The following CASTOR2 variants were observed in gnomAD, a reference collection of about 807,000 sequenced individuals.
CASTOR2 encodes the protein GATS protein like 2.
In CASTOR2, 8 loss-of-function variants were observed where a neutral mutation model predicts 31.2. The observed-to-expected ratio is 0.26, with a 90% CI of 0.15 to 0.46. CASTOR2 has a LOEUF of 0.46. Among genes scored for constraint, CASTOR2 ranks in the 20% least tolerant of loss-of-function variants. The pLI is 0.99. For synonymous variants in CASTOR2, 162 were observed against 158.7 expected (o/e 1.02, Z -0.16); for missense variants, 216 against 382.1 (o/e 0.57, Z 3.62).
chr7:75,002,879 G>A (rs1804527833), intron 1 of CASTOR2, among the ~76,000 whole-genome samples: 1 of 151,968 alleles, frequency 6.6e-6, no homozygotes, highest in Non-Finnish European at 1.5e-5. Flanking sequence ...CTTGAGGCCA[G>A]GAGTTCAAGA....
intron 6 of CASTOR2, 32 bp downstream of exon 6, chr7:75,020,181 C>G: frequency 3.2e-6 from 5 of 1,543,550 alleles, no homozygotes; most frequent in Middle Eastern, 1.7e-4. Flanking sequence ...ACGTTCAACC[C>G]AGGGTGGGCC....
chr7:74,993,398 G>A (rs1246552252), intron 1 of CASTOR2, among the ~76,000 whole-genome samples: 1 of 150,530 alleles, frequency 6.6e-6, no homozygotes, highest in Non-Finnish European at 1.5e-5. Context: ...GGGCTTCTCC[G>A]TGCCCCACCT....
intron 2 of CASTOR2, among the ~76,000 whole-genome samples, chr7:75,015,453 A>G (rs1187366172): frequency 6.6e-6 from 1 of 151,306 alleles, no homozygotes; most frequent in African/African-American, 2.4e-5. Context: ...TTTTATTTTT[A>G]TTTTTTTAGA....
intron 1 of CASTOR2, among the ~76,000 whole-genome samples, chr7:74,971,049 A>G (rs1420745111): frequency 6.6e-6 from 1 of 150,946 alleles, no homozygotes; most frequent in Non-Finnish European, 1.5e-5. Context: ...AGGCTGGAGT[A>G]TAGTGGTGCA....
At chr7:75,001,965 T>C (rs1238532668) in intron 1 of CASTOR2, among the ~76,000 whole-genome samples, 1 of 152,182 alleles carries the variant, frequency 6.6e-6, no homozygotes, top group African/African-American at 2.4e-5. Context: ...CACAGTGGCC[T>C]GAAAGTCATC....
chr7:75,011,653 G>A (rs1398819976), intron 2 of CASTOR2, among the ~76,000 whole-genome samples: 4 of 140,054 alleles, frequency 2.9e-5, no homozygotes, highest in African/African-American at 8.1e-5. Flanking sequence ...GGAGAATGTC[G>A]TGAACCCGGG....
At chr7:74,976,544 CT>C in intron 1 of CASTOR2, among the ~76,000 whole-genome samples, 1 of 141,716 alleles carries the variant, frequency 7.1e-6, no homozygotes, top group East Asian at 2.1e-4. Flanking sequence ...CCTCCTCCTC[CT>C]CCTCCTCCTC....
At chr7:75,000,737 C>G (rs1804475832) in intron 1 of CASTOR2, among the ~76,000 whole-genome samples, 1 of 151,952 alleles carries the variant, frequency 6.6e-6, no homozygotes, top group Admixed American at 6.6e-5. Flanking sequence ...GACTCAACTG[C>G]AGTCTCCACC....
intron 2 of CASTOR2, among the ~76,000 whole-genome samples, chr7:75,013,671 C>G (rs1277974729): frequency 2.0e-5 from 3 of 151,912 alleles, no homozygotes; most frequent in Non-Finnish European, 4.4e-5. Flanking sequence ...GGTCTTGGCT[C>G]AAATGGATGC....
In CASTOR2 at chr7:75,026,918, C is replaced by T. The variant is rs942863347; in HGVS notation, c.*2219C>T. On this transcript the variant is annotated 3_prime_UTR_variant, in exon 9 of 9. Coordinates refer to ENST00000616305, the MANE Select transcript of CASTOR2 (RefSeq NM_001145064.3). Reference sequence around the variant, plus strand: ...CGTGTGTCCCCTAGACTTCCTAGGACGTATCTATTGTACACACCTATAAAT... The same window carrying T: ...CGTGTGTCCCCTAGACTTCCTAGGATGTATCTATTGTACACACCTATAAAT... 3.3e-5 allele frequency among the ~76,000 whole-genome samples: 5 copies of T among 152,082 alleles called. No homozygotes were observed. The highest frequency in any genetic ancestry group is 7.4e-5 in the Non-Finnish European group (5 of 68,018).
At chr7:75,009,818 A>G (rs1247992489) in intron 2 of CASTOR2, among the ~76,000 whole-genome samples, 15 of 151,530 alleles carry the variant, frequency 9.9e-5, no homozygotes, top group Non-Finnish European at 1.2e-4. Flanking sequence ...GGCTGCACAC[A>G]CATGCGCTTC....
intron 7 of CASTOR2, among the ~76,000 whole-genome samples, chr7:75,023,776 G>T (rs1805062863): frequency 6.6e-6 from 1 of 152,140 alleles, no homozygotes; most frequent in Admixed American, 6.5e-5. Flanking sequence ...ATCTCGTGAG[G>T]ACTTACTGTC....
intron 2 of CASTOR2, among the ~76,000 whole-genome samples, chr7:75,009,469 C>T (rs1431975903): frequency 6.6e-5 from 10 of 151,440 alleles, no homozygotes; most frequent in East Asian, 5.8e-4. Flanking sequence ...GGGGTTTCAC[C>T]GTGTTAACCA....
rs1805204192 is a variant in CASTOR2 at position 75,028,450 on chromosome 7, C to T, written c.*3751C>T. Among the ~76,000 whole-genome samples, 1 of 152,004 alleles carries T rather than the reference C, an allele frequency of 6.6e-6. No individual in the cohort carries two copies. The highest frequency in any genetic ancestry group is 1.5e-5 in the Non-Finnish European group (1 of 67,996). Reference sequence around the variant, plus strand: ...GGAATTTCTAGGGGTGAGCAGGTGACCCTGGGGCTGCCACTTGAGCTCCTG... The same window carrying T: ...GGAATTTCTAGGGGTGAGCAGGTGATCCTGGGGCTGCCACTTGAGCTCCTG... On this transcript the variant is annotated 3_prime_UTR_variant, in exon 9 of 9. Transcript: ENST00000616305.
At chr7:75,020,475 C>T (rs1201591122) in intron 6 of CASTOR2, among the ~76,000 whole-genome samples, 2 of 150,902 alleles carry the variant, frequency 1.3e-5, no homozygotes, top group Admixed American at 6.6e-5. Context: ...AGGCAATCCG[C>T]CCGCCTCAGG....
intron 1 of CASTOR2, among the ~76,000 whole-genome samples, chr7:74,976,257 AGTGGCTCACGCCT>A (rs1406545569): frequency 7.9e-6 from 1 of 126,168 alleles, no homozygotes; most frequent in Non-Finnish European, 1.7e-5. Flanking sequence ...GGCCAAGCAC[AGTGGCTCACGCCT>A]GTAATCCCAG....
At chr7:74,991,785 G>A (rs1412754081) in intron 1 of CASTOR2, among the ~76,000 whole-genome samples, 2 of 152,014 alleles carry the variant, frequency 1.3e-5, no homozygotes, top group Non-Finnish European at 2.9e-5. Context: ...AACGAGGAGG[G>A]GCCCAGCAGT....
At chr7:74,985,798 C>A (rs1437436059) in intron 1 of CASTOR2, among the ~76,000 whole-genome samples, 1 of 151,984 alleles carries the variant, frequency 6.6e-6, no homozygotes. Context: ...AGCCCAGCAC[C>A]GCATCTACCA....
In CASTOR2 at chr7:74,979,281, G is replaced by A. The variant is rs1450553663; in HGVS notation, c.113+14183G>A. On this transcript the variant is annotated intron_variant, in intron 1 of 8. Transcript: ENST00000616305. The stretch of plus-strand genomic sequence containing the variant: ...CATACTGGTAGGGACTGGGCCTCTA[G>A]TACGCCCATTACCCAAATAGTGAAC... Among the ~76,000 whole-genome samples the A allele has an allele frequency of 2.6e-4, 38 of 143,414 alleles. No homozygotes were observed. In the East Asian group the frequency reaches 7.8e-3, roughly 29 times the overall value. 94.1% of individuals were successfully genotyped at this position (143,414 alleles called of 152,430 possible).
Sources: allele counts gnomAD v4.1 joint callset (sites outside exome capture counted in the v4.1 genomes callset), GRCh38; gene constraint gnomAD v4.1.1; transcripts MANE v1.5; gene names NCBI Gene and HGNC (gene_info 2026-07-23, HGNC 2026-07-21).